Variants in ZBTB44 observed in about 807,000 individuals in gnomAD.
ZBTB44 encodes zinc finger and BTB domain containing 44, also known as zinc finger and BTB domain-containing protein 44.
In ZBTB44, 15 loss-of-function variants were observed where a neutral mutation model predicts 54.0. The ratio of observed to expected loss-of-function variants is 0.28; its 90% CI spans 0.19 to 0.43. The LOEUF is 0.43. ZBTB44 is among the 20% of genes least tolerant of loss of function. The probability of loss-of-function intolerance (pLI) is 1.00; values close to 1 mark genes in which losing one functional copy is unlikely to be tolerated. For synonymous variants in ZBTB44, 230 were observed against 250.1 expected (o/e 0.92, Z 0.76); for missense variants, 487 against 707.1 (o/e 0.69, Z 3.53).
intron 5 of ZBTB44, chr11:130,236,255 T>C: frequency 7.8e-7 from 1 of 1,275,236 alleles, no homozygotes; most frequent in African/African-American, 1.5e-5. Flanking sequence ...AAATTAATAT[T>C]ACAAGAATAG....
Position 130,230,701 on chromosome 11 carries a change from C to T in ZBTB44, c.*1063G>A, listed in dbSNP as rs555626733. On this transcript the variant is annotated 3_prime_UTR_variant, in exon 8 of 8. Transcript: ENST00000357899. ...TGTGGGTGATAATCTCCATCTGCAT[C>T]CATTTATATAAAACTTAAAATGCCA... 8 of 151,722 alleles carry T rather than the reference C, an allele frequency of 5.3e-5. No individual in the cohort carries two copies. The South Asian group carries it at 1.5e-3, about 28-fold the overall frequency. The allele number at this position is 151,722 out of a possible 1,614,324, so 9.4% of individuals were successfully genotyped here. A position where few individuals can be genotyped will look rare whatever the true frequency, so the allele number is the denominator to read the frequency against.
At chr11:130,265,644 C>T (rs1355854698) in intron 1 of ZBTB44, among the ~76,000 whole-genome samples, 1 of 152,196 alleles carries the variant, frequency 6.6e-6, no homozygotes, top group East Asian at 1.9e-4. Context: ...CTCCAGTGCA[C>T]ACACAAATGA....
At chr11:130,243,542 C>T (rs858701) in intron 2 of ZBTB44, among the ~76,000 whole-genome samples, 86,503 of 152,110 alleles carry the variant, frequency 0.57, 27,912 homozygotes, top group South Asian at 0.7. Flanking sequence ...TTTTCTAGTC[C>T]GCTCATTGCC....
At chr11:130,233,016 A>C (rs2509707) in intron 7 of ZBTB44, 1 of 189,716 alleles carries the variant, frequency 5.3e-6, no homozygotes, top group Non-Finnish European at 1.1e-5. Flanking sequence ...AAAAAAAAAG[A>C]AAAAAAAAAA....
At chr11:130,283,193 C>T (rs553952228) in intron 1 of ZBTB44, among the ~76,000 whole-genome samples, 5 of 151,784 alleles carry the variant, frequency 3.3e-5, no homozygotes, top group South Asian at 2.1e-4. Flanking sequence ...AACAGGTGTA[C>T]GGGACTCACC....
intron 2 of ZBTB44, among the ~76,000 whole-genome samples, chr11:130,254,334 A>AT (rs1360852416): frequency 6.6e-6 from 1 of 152,230 alleles, no homozygotes; most frequent in Non-Finnish European, 1.5e-5. Context: ...CAAAGGGCTA[A>AT]TATCCAGAAT....
chr11:130,278,546 T>G (rs1940271997), intron 1 of ZBTB44, among the ~76,000 whole-genome samples: 1 of 152,192 alleles, frequency 6.6e-6, no homozygotes, highest in South Asian at 2.1e-4. Context: ...CCTCCTCTCC[T>G]TCCAGAACTC....
rs958459649 is a variant in ZBTB44, at chr11:130,296,065, G to T, written c.-57+18310C>A. 5.1e-6 allele frequency: 8 copies of T among 1,583,960 alleles called. No homozygotes were observed. In the African/African-American group the frequency reaches 8.1e-5, roughly 16 times the overall value. On this transcript the variant is annotated intron_variant, in intron 1 of 7. Transcript: ENST00000357899. ...TATTGATGAAGCTGATCGTATCTTG[G>T]ATGTTGGGTATGAAGAGGAATTAAA... is the stretch of plus-strand genomic sequence containing the variant.
chr11:130,235,981 AG>A, intron 5 of ZBTB44: 1 of 865,670 alleles, frequency 1.2e-6, no homozygotes. Flanking sequence ...AAAAAAAAAA[AG>A]AAAGATTTGT....
rs751504739 is a variant in ZBTB44, at chr11:130,313,347, G to T, written c.-57+1028C>A. Among the ~76,000 whole-genome samples, 16 of 152,178 alleles carry T rather than the reference G, an allele frequency of 1.1e-4. No homozygotes were observed. In the South Asian group the frequency reaches 1.7e-3, roughly 16 times the overall value. Reference sequence around the variant, plus strand: ...AGTACTGCACAAAATGAATAATCTGGTTTTCATAATTAATCAGTACATTAC... The same window carrying T: ...AGTACTGCACAAAATGAATAATCTGTTTTTCATAATTAATCAGTACATTAC... On this transcript the variant is annotated intron_variant, in intron 1 of 7. Coordinates refer to ENST00000357899, the MANE Select transcript of ZBTB44 (RefSeq NM_001301098.2).
intron 2 of ZBTB44, among the ~76,000 whole-genome samples, chr11:130,258,634 A>T (rs1194432731): frequency 6.6e-6 from 1 of 152,226 alleles, no homozygotes; most frequent in Non-Finnish European, 1.5e-5. Flanking sequence ...CCCAACTAAT[A>T]TACATTATCT....
intron 1 of ZBTB44, among the ~76,000 whole-genome samples, chr11:130,309,316 A>C (rs1447948190): frequency 6.6e-6 from 1 of 152,182 alleles, no homozygotes; most frequent in Non-Finnish European, 1.5e-5. Context: ...AGTGTGACCT[A>C]TGACAGTGAG....
intron 1 of ZBTB44, among the ~76,000 whole-genome samples, chr11:130,266,745 G>T (rs1345782906): frequency 6.6e-6 from 1 of 152,174 alleles, no homozygotes; most frequent in Non-Finnish European, 1.5e-5. Flanking sequence ...AATTCAAAAT[G>T]GAGTCTGAAT....
At chr11:130,267,938 T>G (rs990388817) in intron 1 of ZBTB44, among the ~76,000 whole-genome samples, 12 of 151,706 alleles carry the variant, frequency 7.9e-5, no homozygotes, top group African/African-American at 2.9e-4. Flanking sequence ...CCGGGTGTGG[T>G]GGCAGGCACC....
At chr11:130,301,388 T>TCATGC (rs1410938488) in intron 1 of ZBTB44, among the ~76,000 whole-genome samples, 11 of 152,242 alleles carry the variant, frequency 7.2e-5, no homozygotes, top group African/African-American at 2.7e-4. Context: ...GTATGCTGGC[T>TCATGC]CATGCCTTTA....
intron 1 of ZBTB44, among the ~76,000 whole-genome samples, chr11:130,287,749 A>G (rs1449097565): frequency 6.6e-6 from 1 of 152,150 alleles, no homozygotes; most frequent in Non-Finnish European, 1.5e-5. Flanking sequence ...TTAGAGTGGG[A>G]TTAACACTAG....
intron 2 of ZBTB44, among the ~76,000 whole-genome samples, chr11:130,241,850 G>C (rs568015459): frequency 1.3e-5 from 2 of 152,072 alleles, no homozygotes; most frequent in Non-Finnish European, 2.9e-5. Flanking sequence ...CTTTGTGACC[G>C]AATGTCATGA....
chr11:130,311,605 G>C (rs1283406834), intron 1 of ZBTB44, among the ~76,000 whole-genome samples: 2 of 152,146 alleles, frequency 1.3e-5, no homozygotes, highest in Non-Finnish European at 2.9e-5. Flanking sequence ...ATAGGAATTG[G>C]AATATCACTC....
chr11:130,314,052 C>T (rs1054055491), intron 1 of ZBTB44, among the ~76,000 whole-genome samples: 1 of 139,760 alleles, frequency 7.2e-6, no homozygotes, highest in African/African-American at 2.7e-5. Context: ...GTCTGAGCCT[C>T]CCGGGTTCGA....
Sources: allele counts gnomAD v4.1 joint callset (sites outside exome capture counted in the v4.1 genomes callset), GRCh38; gene constraint gnomAD v4.1.1; transcripts MANE v1.5; gene names NCBI Gene and HGNC (gene_info 2026-07-23, HGNC 2026-07-21).